The following DNAJC3 variants were observed in gnomAD, a reference collection of about 807,000 sequenced individuals.
DNAJC3 encodes the protein DnaJ heat shock protein family (Hsp40) member C3, also known as dnaJ homolog subfamily C member 3.
In DNAJC3, 38 loss-of-function variants were observed where a neutral mutation model predicts 68.6. The observed-to-expected ratio is 0.55, with a 90% confidence interval of 0.43 to 0.73. DNAJC3 has a LOEUF of 0.73. DNAJC3 is among the 30% of genes least tolerant of loss of function. The probability of loss-of-function intolerance (pLI) is 0.00; values close to 1 mark genes in which losing one functional copy is unlikely to be tolerated. For missense variants in DNAJC3, 526 were observed against 591.9 expected (o/e 0.89, Z 1.16); for synonymous variants, 203 against 204.0 (o/e 1.00, Z 0.04).
chr13:95,723,147 A>G lies in DNAJC3; in HGVS notation c.194-95A>G, dbSNP rs570523977. 1.8e-4 allele frequency: 200 copies of G among 1,097,730 alleles called. 1 individual carries two copies. Among genetic ancestry groups the G allele is most frequent in the Admixed American group, 5.0e-4 (19 of 38,210 alleles). 68.0% of individuals were successfully genotyped at this position (1,097,730 alleles called of 1,614,324 possible). A position where few individuals can be genotyped will look rare whatever the true frequency, so the allele number is the denominator to read the frequency against. ...CTTTTCTTAATGTCCATCTTAGTAG[A>G]GTTGCAAGTGCTGATACTGTCCAGG... On this transcript the variant is annotated intron_variant, in intron 2 of 11. Coordinates refer to ENST00000602402, the MANE Select transcript of DNAJC3 (RefSeq NM_006260.5).
chr13:95,711,588 G>A (rs1880969465), intron 2 of DNAJC3, among the ~76,000 whole-genome samples: 5 of 151,268 alleles, frequency 3.3e-5, no homozygotes, highest in Non-Finnish European at 4.4e-5. Flanking sequence ...GGGGAAAAGT[G>A]GAAAAAAAGA....
chr13:95,794,718 G>A lies in DNAJC3; in HGVS notation c.*3688G>A, dbSNP rs1883909095. 6.6e-6 allele frequency: 1 copy of A among 152,306 alleles called. No homozygotes were observed. Among genetic ancestry groups the A allele is most frequent in the East Asian group, 1.9e-4 (1 of 5,182 alleles). The allele number at this position is 152,306 out of a possible 1,614,324, so 9.4% of individuals were successfully genotyped here. ...TATAGTAACCGGTTTTGTTGCACTT[G>A]TCTGTGGCTGAAACACTTACCTGCA... On this transcript the variant is annotated 3_prime_UTR_variant, in exon 12 of 12. Coordinates refer to ENST00000602402, the MANE Select transcript of DNAJC3 (RefSeq NM_006260.5).
chr13:95,714,655 C>T (rs909638687), intron 2 of DNAJC3, among the ~76,000 whole-genome samples: 1 of 152,208 alleles, frequency 6.6e-6, no homozygotes, highest in Non-Finnish European at 1.5e-5. Context: ...TGTGTGACCA[C>T]ATCGTTACTA....
chr13:95,753,925 G>A (rs903512956), intron 4 of DNAJC3, among the ~76,000 whole-genome samples: 1 of 152,130 alleles, frequency 6.6e-6, no homozygotes, highest in Admixed American at 6.5e-5. Context: ...CATTCATCTA[G>A]ACTTTATTTA....
intron 7 of DNAJC3, among the ~76,000 whole-genome samples, chr13:95,763,139 A>T (rs999055624): frequency 2.0e-5 from 3 of 152,250 alleles, no homozygotes; most frequent in African/African-American, 7.2e-5. Flanking sequence ...AAGCTTATAC[A>T]GTTGGGAATT....
At chr13:95,704,851 GTTT>G (rs1193979630) in intron 1 of DNAJC3, among the ~76,000 whole-genome samples, 6 of 97,842 alleles carry the variant, frequency 6.1e-5, no homozygotes, top group East Asian at 5.4e-4. Flanking sequence ...GTGTGTGTGT[GTTT>G]TTTTTTTTTT....
At chr13:95,703,980 G>A (rs1356251739) in intron 1 of DNAJC3, among the ~76,000 whole-genome samples, 1 of 152,026 alleles carries the variant, frequency 6.6e-6, no homozygotes, top group Non-Finnish European at 1.5e-5. Context: ...CAATCTTCTG[G>A]GTTCCACTTA....
At chr13:95,712,263 T>C (rs926219804) in intron 2 of DNAJC3, among the ~76,000 whole-genome samples, 2 of 152,280 alleles carry the variant, frequency 1.3e-5, no homozygotes, top group Non-Finnish European at 2.9e-5. Context: ...TGGTGAATAT[T>C]GATAGCTCTC....
chr13:95,744,198 A>C (rs912037277), intron 4 of DNAJC3, among the ~76,000 whole-genome samples: 1 of 152,154 alleles, frequency 6.6e-6, no homozygotes, highest in Admixed American at 6.5e-5. Flanking sequence ...ATTTTTTTAA[A>C]AAGTGTATAC....
intron 9 of DNAJC3, among the ~76,000 whole-genome samples, chr13:95,773,967 C>T (rs1163100094): frequency 6.6e-6 from 1 of 151,712 alleles, no homozygotes; most frequent in Non-Finnish European, 1.5e-5. Context: ...GATCTCCTGA[C>T]CTCGTGATCC....
At chr13:95,679,021 A>G (rs1038443998) in intron 1 of DNAJC3, among the ~76,000 whole-genome samples, 1 of 152,140 alleles carries the variant, frequency 6.6e-6, no homozygotes, top group African/African-American at 2.4e-5. Context: ...TGTAAGCCAT[A>G]TCTTATTCAC....
chr13:95,680,630 A>G (rs1879887391), intron 1 of DNAJC3, among the ~76,000 whole-genome samples: 1 of 152,216 alleles, frequency 6.6e-6, no homozygotes, highest in South Asian at 2.1e-4. Flanking sequence ...TTCTCTTGAC[A>G]TAGTTAGTAT....
chr13:95,691,970 A>G (rs1016327329), intron 1 of DNAJC3, among the ~76,000 whole-genome samples: 6 of 152,196 alleles, frequency 3.9e-5, no homozygotes. Context: ...CAGGAGAATC[A>G]GGCAGGGAGG....
chr13:95,726,471 T>C (rs565909625), intron 4 of DNAJC3, among the ~76,000 whole-genome samples: 2 of 152,230 alleles, frequency 1.3e-5, no homozygotes, highest in Admixed American at 6.5e-5. Flanking sequence ...CATAAATGTC[T>C]TCTTTTGAGA....
chr13:95,689,868 C>T (rs535014933), intron 1 of DNAJC3, among the ~76,000 whole-genome samples: 10 of 152,092 alleles, frequency 6.6e-5, no homozygotes, highest in African/African-American at 2.2e-4. Flanking sequence ...AAAGTAATTC[C>T]GGTTGTTTAC....
intron 1 of DNAJC3, among the ~76,000 whole-genome samples, chr13:95,684,392 A>G (rs941603595): frequency 1.3e-5 from 2 of 152,218 alleles, no homozygotes; most frequent in Non-Finnish European, 2.9e-5. Context: ...TCTAAGCAGC[A>G]AAGTGTTCAA....
chr13:95,733,606 G>A (rs1421405560), intron 4 of DNAJC3, among the ~76,000 whole-genome samples: 2 of 151,702 alleles, frequency 1.3e-5, no homozygotes, highest in Admixed American at 1.3e-4. Flanking sequence ...TGCCATTTTG[G>A]CCAGGCTGGT....
intron 1 of DNAJC3, among the ~76,000 whole-genome samples, chr13:95,704,256 T>G (rs1380712217): frequency 6.6e-6 from 1 of 152,160 alleles, no homozygotes; most frequent in African/African-American, 2.4e-5. Flanking sequence ...ATTTTGCAAG[T>G]GGCTTATGTG....
intron 4 of DNAJC3, among the ~76,000 whole-genome samples, chr13:95,757,083 A>G (rs1322042645): frequency 2.0e-5 from 3 of 152,010 alleles, no homozygotes; most frequent in Non-Finnish European, 4.4e-5. Flanking sequence ...TTAAAGCCAC[A>G]TCATGCACCT....
Sources: gnomAD v4.1 joint callset for allele counts (sites outside exome capture counted in the v4.1 genomes callset) on GRCh38, gnomAD v4.1.1 for gene constraint, MANE v1.5 for transcripts, NCBI Gene and HGNC (gene_info 2026-07-23, HGNC 2026-07-21) for gene names.